The following DPP10 variants were observed in gnomAD, a reference collection of about 807,000 sequenced individuals.
The protein encoded by DPP10 is inactive dipeptidyl peptidase 10.
A neutral mutation model predicts 120.9 loss-of-function variants in DPP10; 33 were observed. The ratio of observed to expected loss-of-function variants is 0.27; its 90% CI spans 0.21 to 0.37. The LOEUF is 0.37. Among genes scored for constraint, DPP10 ranks in the 10% least tolerant of loss-of-function variants. The pLI, the probability that DPP10 is intolerant of heterozygous loss-of-function variation, is 1.00. For synonymous variants in DPP10, 337 were observed against 326.1 expected (o/e 1.03, Z -0.36); for missense variants, 816 against 942.8 (o/e 0.87, Z 1.76).
chr2:114,885,573 T>A (rs553782367), intron 1 of DPP10, among the ~76,000 whole-genome samples: 33 of 152,326 alleles, frequency 2.2e-4, no homozygotes, highest in African/African-American at 6.5e-4. Context: ...ATATGAGAGA[T>A]TTATTACACA....
Position 114,793,188 on chromosome 2 carries a change from T to A in DPP10, c.60+350350T>A, listed in dbSNP as rs138691484. 9.4e-3 allele frequency among the ~76,000 whole-genome samples: 1,426 copies of A among 152,260 alleles called. 24 individuals are homozygous for A. Among genetic ancestry groups the A allele is most frequent in the African/African-American group, 0.032 (1,346 of 41,534 alleles). On this transcript the variant is annotated intron_variant, in intron 1 of 25. Coordinates refer to ENST00000410059, the MANE Select transcript of DPP10 (RefSeq NM_020868.6). ...TATACTTTAAGTTCTGGGATACATG[T>A]GCAGAACGTGAAGCCTTGTCACATA...
chr2:114,544,256 T>G (rs867873108), intron 1 of DPP10, among the ~76,000 whole-genome samples: 1 of 152,100 alleles, frequency 6.6e-6, no homozygotes, highest in Non-Finnish European at 1.5e-5. Flanking sequence ...GAGTCAAGAC[T>G]CAAGGAACTG....
intron 3 of DPP10, among the ~76,000 whole-genome samples, chr2:115,361,378 G>A (rs761093833): frequency 6.6e-5 from 10 of 152,088 alleles, no homozygotes; most frequent in Non-Finnish European, 8.8e-5. Flanking sequence ...GACTAATGGC[G>A]AGACACTCAG....
At chr2:115,745,114 A>G (rs55712139) in intron 9 of DPP10, among the ~76,000 whole-genome samples, 20 of 149,940 alleles carry the variant, frequency 1.3e-4, no homozygotes, top group African/African-American at 4.4e-4. Flanking sequence ...CCTTACTCAC[A>G]GTGTATTTGG....
intron 1 of DPP10, among the ~76,000 whole-genome samples, chr2:114,586,430 G>A (rs1280329462): frequency 2.0e-5 from 3 of 152,166 alleles, no homozygotes; most frequent in African/African-American, 4.8e-5. Flanking sequence ...CATGATGTGG[G>A]CAAATTAATC....
At chr2:115,185,691 A>C (rs2054387322) in intron 1 of DPP10, among the ~76,000 whole-genome samples, 1 of 152,206 alleles carries the variant, frequency 6.6e-6, no homozygotes, top group Non-Finnish European at 1.5e-5. Context: ...AAATAACATA[A>C]ATACAGATAT....
chr2:115,423,602 A>G (rs2070185880), intron 3 of DPP10, among the ~76,000 whole-genome samples: 3 of 152,136 alleles, frequency 2.0e-5, no homozygotes, highest in Admixed American at 2.0e-4. Flanking sequence ...AGAGGAAACT[A>G]AGAAAAAGGA....
chr2:115,616,297 C>A (rs1174398777), intron 5 of DPP10, among the ~76,000 whole-genome samples: 3 of 151,980 alleles, frequency 2.0e-5, no homozygotes, highest in African/African-American at 7.3e-5. Context: ...ATTCAATTCT[C>A]ATAAAATCTG....
chr2:115,031,005 T>G (rs547066942), intron 1 of DPP10, among the ~76,000 whole-genome samples: 2 of 152,140 alleles, frequency 1.3e-5, no homozygotes, highest in Admixed American at 1.3e-4. Context: ...TCATTTTTAT[T>G]GAAAACCTTT....
At chr2:115,390,399 C>A (rs942194536) in intron 3 of DPP10, among the ~76,000 whole-genome samples, 1 of 152,136 alleles carries the variant, frequency 6.6e-6, no homozygotes, top group East Asian at 1.9e-4. Context: ...GTTGATGACA[C>A]GTTGCATGTG....
At chr2:114,720,079 G>T (rs1283656649) in intron 1 of DPP10, among the ~76,000 whole-genome samples, 1 of 152,058 alleles carries the variant, frequency 6.6e-6, no homozygotes, top group Non-Finnish European at 1.5e-5. Context: ...TTTTGTTTTT[G>T]GTAGGTTCAG....
At chr2:115,721,536 C>T (rs978386717) in intron 7 of DPP10, among the ~76,000 whole-genome samples, 5 of 151,924 alleles carry the variant, frequency 3.3e-5, no homozygotes, top group African/African-American at 1.2e-4. Context: ...GACTAATCAT[C>T]AGGGAAATGC....
At chr2:114,442,925 C>T in intron 1 of DPP10, 87 bp downstream of exon 1, 4 of 1,500,334 alleles carry the variant, frequency 2.7e-6, no homozygotes, top group Middle Eastern at 1.7e-4. Flanking sequence ...GGGGTACTGA[C>T]AGTGGACATA....
At chr2:115,134,234 T>C (rs2050530935) in intron 1 of DPP10, among the ~76,000 whole-genome samples, 1 of 152,182 alleles carries the variant, frequency 6.6e-6, no homozygotes, top group Non-Finnish European at 1.5e-5. Context: ...AACAATTGAT[T>C]CACTCCTAAG....
At chr2:114,501,816 G>A (rs374123717) in intron 1 of DPP10, among the ~76,000 whole-genome samples, 102 of 151,854 alleles carry the variant, frequency 6.7e-4, no homozygotes, top group African/African-American at 2.1e-3. Flanking sequence ...TCAGAAGTAC[G>A]TATTCAGTCC....
At chr2:115,088,759 A>AAAAAAAAAAAAAAAAAAC (rs1553485540) in intron 1 of DPP10, among the ~76,000 whole-genome samples, 6 of 149,812 alleles carry the variant, frequency 4.0e-5, no homozygotes, top group Non-Finnish European at 7.4e-5. Context: ...ACAAAAAAAA[A>AAAAAAAAAAAAAAAAAAC]AAAAAAAAAA....
intron 1 of DPP10, among the ~76,000 whole-genome samples, chr2:114,839,655 T>G (rs1243322800): frequency 1.3e-5 from 2 of 152,212 alleles, no homozygotes; most frequent in African/African-American, 2.4e-5. Flanking sequence ...CAGCTGTCAT[T>G]CTATGATTTT....
intron 3 of DPP10, among the ~76,000 whole-genome samples, chr2:115,482,324 AG>A (rs2075489320): frequency 2.8e-5 from 4 of 142,184 alleles, no homozygotes; most frequent in Non-Finnish European, 4.7e-5. Flanking sequence ...TAAAATAGTT[AG>A]TATAGGGGAA....
At chr2:114,670,485 A>T (rs946656028) in intron 1 of DPP10, among the ~76,000 whole-genome samples, 2 of 151,736 alleles carry the variant, frequency 1.3e-5, no homozygotes, top group African/African-American at 4.8e-5. Context: ...AACAATGAGA[A>T]CACATGGACA....
Sources: allele counts gnomAD v4.1 joint callset (sites outside exome capture counted in the v4.1 genomes callset), GRCh38; gene constraint gnomAD v4.1.1; transcripts MANE v1.5; gene names NCBI Gene and HGNC (gene_info 2026-07-23, HGNC 2026-07-21).